Variants in CHIA observed in about 807,000 individuals in gnomAD.
The protein encoded by CHIA is acidic mammalian chitinase.
Under a neutral mutation model 53.5 loss-of-function variants are expected in CHIA, and 47 were observed. That is an observed-to-expected ratio of 0.88 (90% confidence interval 0.70 to 1.12). The LOEUF is 1.12. CHIA is among the 50% of genes most tolerant of loss of function. The pLI is 0.00. For missense variants in CHIA, 652 were observed against 592.2 expected (o/e 1.10, Z -1.05); for synonymous variants, 268 against 222.2 (o/e 1.21, Z -1.83).
rs1649041225 is a variant in CHIA, at chr1:111,315,075, T to G, written c.315-195T>G. 7.2e-6 allele frequency: 4 copies of G among 553,974 alleles called. 1 individual carries two copies. The Admixed American group carries it at 1.3e-4, about 18-fold the overall frequency. 34.3% of individuals were successfully genotyped at this position (553,974 alleles called of 1,614,324 possible). A position where few individuals can be genotyped will look rare whatever the true frequency, so the allele number is the denominator to read the frequency against. On this transcript the variant is annotated intron_variant, in intron 5 of 11. Transcript: ENST00000369740. ...GAGCAGAGTTGGGGGGATAACAGAATAAAGGGAATGTTAAGATACCATGGC... is the reference window on the plus strand; with the variant it reads ...GAGCAGAGTTGGGGGGATAACAGAAGAAAGGGAATGTTAAGATACCATGGC...
At chr1:111,319,497 G>A (rs1378017241) in intron 11 of CHIA, 29 bp downstream of exon 11, 1 of 1,609,736 alleles carries the variant, frequency 6.2e-7, no homozygotes, top group Non-Finnish European at 8.5e-7. Context: ...ATGCCCAGGT[G>A]TATAAATACC....
chr1:111,307,267 A>G (rs1464598583), intron 1 of CHIA, among the ~76,000 whole-genome samples: 1 of 152,244 alleles, frequency 6.6e-6, no homozygotes, highest in Non-Finnish European at 1.5e-5. Flanking sequence ...CCATAGAGCT[A>G]TGAAAATAAG....
At chr1:111,300,157 C>G (rs1286445110) in intron 1 of CHIA, among the ~76,000 whole-genome samples, 1 of 152,014 alleles carries the variant, frequency 6.6e-6, no homozygotes, top group African/African-American at 2.4e-5. Flanking sequence ...CCATACTACC[C>G]AAGGTAATTT....
intron 7 of CHIA, 79 bp downstream of exon 7, chr1:111,317,884 T>C: frequency 6.2e-7 from 1 of 1,610,300 alleles, no homozygotes; most frequent in East Asian, 2.2e-5. Flanking sequence ...TGGCTTGCTA[T>C]TCAGGGACCT....
chr1:111,291,684 T>A (rs12144594), intron 1 of CHIA, among the ~76,000 whole-genome samples: 38,947 of 151,450 alleles, frequency 0.26, 5,368 homozygotes, highest in African/African-American at 0.34. Context: ...AAATTTTTTT[T>A]AAAAAGGGGG....
intron 1 of CHIA, among the ~76,000 whole-genome samples, chr1:111,306,676 A>G (rs1442032930): frequency 6.6e-6 from 1 of 152,208 alleles, no homozygotes; most frequent in Non-Finnish European, 1.5e-5. Context: ...ATAAAGTTGG[A>G]AAAGATATGT....
rs1185410957 is a variant in CHIA at position 111,290,855 on chromosome 1, G to T, written c.-164G>T. ...AGCTAGAGTCCCAGACGGTGCCAAA[G>T]CTTCATGAAACCTCCTCGTCTGTGC... On this transcript the variant is annotated 5_prime_UTR_variant, in exon 1 of 12. Coordinates refer to ENST00000369740, the MANE Select transcript of CHIA (RefSeq NM_201653.4). 1 of 440,790 alleles carries T rather than the reference G, an allele frequency of 2.3e-6. No homozygotes were observed. The highest frequency in any genetic ancestry group is 1.6e-5 in the South Asian group (1 of 61,790). The allele number at this position is 440,790 out of a possible 1,614,324, so 27.3% of individuals were successfully genotyped here. A position where few individuals can be genotyped will look rare whatever the true frequency, so the allele number is the denominator to read the frequency against.
chr1:111,297,023 GA>G (rs1358504682), intron 1 of CHIA, among the ~76,000 whole-genome samples: 3 of 152,118 alleles, frequency 2.0e-5, no homozygotes, highest in African/African-American at 7.2e-5. Flanking sequence ...GAAGTTTACA[GA>G]AAAAAGAGTA....
rs776784162 is a variant in CHIA at position 111,310,472 on chromosome 1, C to T, written c.5C>T (p.Thr2Ile). M[T>I]KLILLTGLVL... is the part of the protein sequence containing the mutation. Reference sequence around the variant, plus strand: ...GGACTGGTGCTGACTGCAACCATGACAAAGCTTATTCTCCTCACAGGTGGG... The same window carrying T: ...GGACTGGTGCTGACTGCAACCATGATAAAGCTTATTCTCCTCACAGGTGGG... Residue 2 changes from threonine (T) to isoleucine (I), a missense_variant, in exon 2 of 12, where the codon ACA (threonine) becomes ATA (isoleucine). Physicochemically the swap from Thr to Ile is moderately conservative, Grantham distance 89 (BLOSUM62 -1). Transcript: ENST00000369740. 28 of 1,614,080 alleles carry T rather than the reference C, an allele frequency of 1.7e-5. No homozygotes were observed. In the Admixed American group the frequency reaches 4.3e-4, roughly 25 times the overall value.
chr1:111,317,793 C>T lies in CHIA; in HGVS notation c.593C>T (p.Pro198Leu), dbSNP rs1259455462. 6.2e-7 allele frequency: 1 copy of T among 1,613,530 alleles called. No homozygotes were observed. The highest frequency in any genetic ancestry group is 1.1e-5 in the South Asian group (1 of 91,050). The part of the protein sequence containing the change: ...ISNIQSGYEI[P>L]QLSQYLDYIH... ...AATATCCAGTCTGGCTATGAGATCC[C>T]CCAACTGTCACAGTGAGTGATGTGC... is the stretch of plus-strand genomic sequence containing the variant. Residue 198 changes from proline (P) to leucine (L), a missense_variant, in exon 7 of 12, where the codon CCC becomes CTC. Physicochemically the swap from Pro to Leu is moderately conservative, Grantham distance 98 (BLOSUM62 -3). Coordinates refer to ENST00000369740, the MANE Select transcript of CHIA (RefSeq NM_201653.4).
chr1:111,318,708 T>A, intron 9 of CHIA, 30 bp downstream of exon 9: 1 of 1,596,010 alleles, frequency 6.3e-7, no homozygotes, highest in Non-Finnish European at 8.6e-7. Context: ...AAGTGCTCTG[T>A]GAATTCCGTG....
intron 1 of CHIA, among the ~76,000 whole-genome samples, chr1:111,293,764 A>G (rs1214926368): frequency 6.6e-6 from 1 of 152,136 alleles, no homozygotes; most frequent in Non-Finnish European, 1.5e-5. Context: ...AATTTTGCCT[A>G]TGATGTTAGA....
At position 111,316,541 on chromosome 1, in the gene CHIA, G is replaced by A. The variant is rs918214741; in HGVS notation, c.480+1106G>A. ...AGAGGACCTCCAATTTTCTGACTTT[G>A]AGGATGGGTTTGATTTTAATGCTAT... On this transcript the variant is annotated intron_variant, in intron 6 of 11. Transcript: ENST00000369740. 3.3e-5 allele frequency: 5 copies of A among 152,206 alleles called. No individual in the cohort carries two copies. In the East Asian group the frequency reaches 7.7e-4, roughly 23 times the overall value. The allele number at this position is 152,206 out of a possible 1,614,324, so 9.4% of individuals were successfully genotyped here. A position where few individuals can be genotyped will look rare whatever the true frequency, so the allele number is the denominator to read the frequency against.
At position 111,318,503 on chromosome 1, in the gene CHIA, T is replaced by A; in HGVS notation, c.740T>A (p.Met247Lys). 1 of 1,613,672 alleles carries A rather than the reference T, an allele frequency of 6.2e-7. No individual in the cohort carries two copies. Among genetic ancestry groups the A allele is most frequent in the Non-Finnish European group, 8.5e-7 (1 of 1,179,722 alleles). ...CCACTGACATTGCAGGATTATGTCA[T>A]GAACTACTGGAAGGACAATGGAGCA... ...SNAYLNVDYV[M>K]NYWKDNGAPA... The change falls in exon 9 of 12, where the codon ATG becomes AAG. Residue 247 changes from methionine to lysine, a missense_variant. Physicochemically the swap from Met to Lys is moderately conservative, Grantham distance 95 (BLOSUM62 -1). Coordinates refer to ENST00000369740, the MANE Select transcript of CHIA (RefSeq NM_201653.4).
chr1:111,318,815 G>A (rs1178477281), intron 9 of CHIA, 137 bp downstream of exon 9: 10 of 980,434 alleles, frequency 1.0e-5, no homozygotes, highest in Admixed American at 2.9e-5. Context: ...TGTTTAAATA[G>A]CATTCATTTA....
At position 111,318,106 on chromosome 1, in the gene CHIA, T is replaced by G. The variant is rs1420621231; in HGVS notation, c.726T>G (p.Asn242Lys). Reference sequence around the variant, plus strand: ...ACACCGGCAGCAACGCCTACCTCAATGTGGTGAGTCCCTGTACAGATGCAA... The same window carrying G: ...ACACCGGCAGCAACGCCTACCTCAAGGTGGTGAGTCCCTGTACAGATGCAA... ...PTDTGSNAYL[N>K]VDYVMNYWKD... is the part of the protein sequence containing the mutation. The change falls in exon 8 of 12, where the codon AAT (asparagine) becomes AAG (lysine). Residue 242 changes from asparagine (N) to lysine (K), a missense_variant. Coordinates refer to ENST00000369740, the MANE Select transcript of CHIA (RefSeq NM_201653.4). The G allele has an allele frequency of 6.2e-7, 1 of 1,610,966 alleles. No individual in the cohort carries two copies. The highest frequency in any genetic ancestry group is 8.5e-7 in the Non-Finnish European group (1 of 1,177,186).
chr1:111,307,542 G>A lies in CHIA; in HGVS notation c.-68-2858G>A, dbSNP rs188837619. Among the ~76,000 whole-genome samples the A allele has an allele frequency of 3.9e-3, 591 of 152,178 alleles. 2 individuals carry two copies. Among genetic ancestry groups the A allele is most frequent in the Middle Eastern group, 0.014 (4 of 294 alleles). On this transcript the variant is annotated intron_variant, in intron 1 of 11. Transcript: ENST00000369740. Reference sequence around the variant, plus strand: ...ACTCAGAATAGTGGTTACTCCAGGGGAATGAGGAGCATTTAACTGGGGAGA... The same window carrying A: ...ACTCAGAATAGTGGTTACTCCAGGGAAATGAGGAGCATTTAACTGGGGAGA...
rs1357795873 is a variant in CHIA at position 111,291,538 on chromosome 1, A to G, written c.-69+588A>G. Among the ~76,000 whole-genome samples, 4 of 148,210 alleles carry G rather than the reference A, an allele frequency of 2.7e-5. No individual in the cohort carries two copies. The South Asian group carries it at 8.8e-4, about 33-fold the overall frequency. On this transcript the variant is annotated intron_variant, in intron 1 of 11. Coordinates refer to ENST00000369740, the MANE Select transcript of CHIA (RefSeq NM_201653.4). ...GGGTTGGGGGCAAGGGGGGGAGAGC[A>G]TTAGGACAAATACCTAATGCATGTG...
intron 4 of CHIA, among the ~76,000 whole-genome samples, chr1:111,314,075 T>C (rs899419599): frequency 2.0e-5 from 3 of 152,188 alleles, no homozygotes; most frequent in African/African-American, 4.8e-5. Flanking sequence ...AGATTTTTCA[T>C]GTTGTCCTCC....
Sources: allele counts gnomAD v4.1 joint callset (sites outside exome capture counted in the v4.1 genomes callset), GRCh38; gene constraint gnomAD v4.1.1; transcripts MANE v1.5; gene names NCBI Gene and HGNC (gene_info 2026-07-23, HGNC 2026-07-21).